Variants in TTC6 observed in about 807,000 individuals in gnomAD.
TTC6 encodes tetratricopeptide repeat protein 6.
In TTC6, 172 loss-of-function variants were observed where a neutral mutation model predicts 210.4. That is an observed-to-expected ratio of 0.82 (90% confidence interval 0.72 to 0.93). The LOEUF is 0.93. Ranked by LOEUF, TTC6 falls within the 40% of genes least tolerant of loss-of-function variation. The pLI is 0.00. For missense variants in TTC6, 2,414 were observed against 2,318.1 expected (o/e 1.04, Z -0.85); for synonymous variants, 804 against 819.6 (o/e 0.98, Z 0.32).
At chr14:37,675,702 A>T (rs188550243) in intron 1 of TTC6, among the ~76,000 whole-genome samples, 58 of 151,392 alleles carry the variant, frequency 3.8e-4, no homozygotes, top group Admixed American at 2.2e-3. Context: ...GCATACGAGG[A>T]TTCTAGTTTC....
chr14:37,619,729 C>T (rs2095648317), upstream of TTC6, among the ~76,000 whole-genome samples: 1 of 151,770 alleles, frequency 6.6e-6, no homozygotes. Flanking sequence ...TATCTGTAAA[C>T]CTTTTATTTA....
At chr14:37,792,069 C>T (rs533247451) in intron 16 of TTC6, among the ~76,000 whole-genome samples, 195 bp from the exon 19 acceptor site, 4 of 152,216 alleles carry the variant, frequency 2.6e-5, no homozygotes, top group African/African-American at 9.6e-5. Context: ...ACATTAATTC[C>T]TTACTAAGGG....
Position 37,748,842 on chromosome 14 carries a change from T to C in TTC6, c.2364-97T>C, listed in dbSNP as rs537921330. 71 of 956,432 alleles carry C rather than the reference T, an allele frequency of 7.4e-5. No individual in the cohort carries two copies. In the South Asian group the frequency reaches 1.4e-3, roughly 19 times the overall value. 59.2% of individuals were successfully genotyped at this position (956,432 alleles called of 1,614,324 possible). A position where few individuals can be genotyped will look rare whatever the true frequency, so the allele number is the denominator to read the frequency against. On this transcript the variant is annotated intron_variant, in intron 10 of 30. Coordinates refer to ENST00000553443, the Ensembl canonical transcript of TTC6. ...AAATTAGCATGTAATTTTGTTTTGA[T>C]AACAAATAGTAGTTTTATGTGTGGC... is the stretch of plus-strand genomic sequence containing the variant.
intron 3 of TTC6, among the ~76,000 whole-genome samples, chr14:37,688,746 T>A (rs1286962765): frequency 6.6e-6 from 1 of 152,142 alleles, no homozygotes; most frequent in Non-Finnish European, 1.5e-5. Context: ...ACCACAGCAT[T>A]ACTGGGCTTG....
chr14:37,655,061 G>T (rs1035597029), intron 1 of TTC6, among the ~76,000 whole-genome samples: 4 of 152,144 alleles, frequency 2.6e-5, no homozygotes, highest in Non-Finnish European at 5.9e-5. Flanking sequence ...GCTGCTCTTC[G>T]CATGTGCATT....
intron 14 of TTC6, among the ~76,000 whole-genome samples, chr14:37,772,805 C>G (rs1332613047): frequency 6.6e-6 from 1 of 152,168 alleles, no homozygotes; most frequent in Non-Finnish European, 1.5e-5. Flanking sequence ...GGAGCTGTTC[C>G]TATTCGGCCA....
chr14:37,826,328 A>G (rs2139510318), exon 28 of TTC6: 1 of 1,603,822 alleles, frequency 6.2e-7, no homozygotes, highest in Non-Finnish European at 8.5e-7. Context: ...GCAATGCAGG[A>G]TATTAATGCT....
Position 37,751,035 on chromosome 14 carries a change from CT to C in TTC6, c.2957-13del, listed in dbSNP as rs1261140134. Reference sequence around the variant, plus strand: ...AAAGGATTATAACTCCAAATTTTATCTTTTTAATTTTCTTTAGAGGCATATT... The same window carrying C: ...AAAGGATTATAACTCCAAATTTTATCTTTTAATTTTCTTTAGAGGCATATT... On this transcript the variant is annotated splice_polypyrimidine_tract_variant and intron_variant, in intron 12 of 30. Transcript: ENST00000553443. 6.7e-7 allele frequency: 1 copy of C among 1,485,222 alleles called. No individual in the cohort carries two copies. The highest frequency in any genetic ancestry group is 9.0e-7 in the Non-Finnish European group (1 of 1,115,214). The allele number at this position is 1,485,222 out of a possible 1,614,324, so 92.0% of individuals were successfully genotyped here. A position where few individuals can be genotyped will look rare whatever the true frequency, so the allele number is the denominator to read the frequency against.
At chr14:37,615,542 G>T (rs1274563248) in intron 2 of TTC6, among the ~76,000 whole-genome samples, 1 of 151,822 alleles carries the variant, frequency 6.6e-6, no homozygotes, top group Non-Finnish European at 1.5e-5. Context: ...TCTTTTCTCT[G>T]ACATCTCCAT....
chr14:37,781,281 C>T (rs1294931258), intron 14 of TTC6, among the ~76,000 whole-genome samples: 1 of 152,148 alleles, frequency 6.6e-6, no homozygotes, highest in African/African-American at 2.4e-5. Flanking sequence ...CACAACCTCC[C>T]CAGCATCTGT....
intron 1 of TTC6, among the ~76,000 whole-genome samples, chr14:37,643,504 A>G (rs745635269): frequency 1.1e-4 from 17 of 152,154 alleles, no homozygotes; most frequent in Non-Finnish European, 2.9e-5. Flanking sequence ...AAGGAGGGCT[A>G]CAGGATTGCT....
intron 1 of TTC6, among the ~76,000 whole-genome samples, chr14:37,644,277 A>T (rs533354421): frequency 6.6e-6 from 1 of 152,262 alleles, no homozygotes; most frequent in Non-Finnish European, 1.5e-5. Flanking sequence ...TAAAAAGGTA[A>T]TGCAATACCA....
chr14:37,689,334 A>G (rs1029466024), intron 3 of TTC6, among the ~76,000 whole-genome samples: 2 of 152,168 alleles, frequency 1.3e-5, no homozygotes, highest in African/African-American at 4.8e-5. Flanking sequence ...AATAATCTCA[A>G]AAGGGCAAAT....
At chr14:37,622,840 C>G (rs2095654032) in exon 1 of TTC6, 1 of 1,534,086 alleles carries the variant, frequency 6.5e-7, no homozygotes, top group Non-Finnish European at 8.7e-7. Context: ...CCCAGCGACG[C>G]GCGGGAGGCC....
chr14:37,749,194 A>T (rs1287362239), exon 11 of TTC6: 2 of 1,532,738 alleles, frequency 1.3e-6, no homozygotes, highest in Non-Finnish European at 1.7e-6. Flanking sequence ...CACCTGAAAG[A>T]GTGAAAGAAC....
exon 1 of TTC6, chr14:37,622,477 T>G (rs898294796): frequency 6.5e-7 from 1 of 1,535,160 alleles, no homozygotes; most frequent in Non-Finnish European, 8.7e-7. Context: ...AAGCCCCCAG[T>G]CATCGCCTCG....
At chr14:37,681,092 G>T (rs1858946614) in intron 2 of TTC6, among the ~76,000 whole-genome samples, 1 of 152,068 alleles carries the variant, frequency 6.6e-6, no homozygotes, top group African/African-American at 2.4e-5. Context: ...CTGGCCTTAT[G>T]ATCCAGCATG....
intron 1 of TTC6, among the ~76,000 whole-genome samples, chr14:37,600,813 T>C (rs1270618900): frequency 6.6e-6 from 1 of 152,230 alleles, no homozygotes; most frequent in Non-Finnish European, 1.5e-5. Flanking sequence ...GGGTGGCTGC[T>C]TCTGGGACTT....
At chr14:37,727,202 A>G (rs769109435) in intron 7 of TTC6, among the ~76,000 whole-genome samples, 17 of 151,414 alleles carry the variant, frequency 1.1e-4, no homozygotes, top group Non-Finnish European at 1.9e-4. Context: ...TATTAATTCA[A>G]TGTTGTTACT....
Sources: allele counts gnomAD v4.1 joint callset (sites outside exome capture counted in the v4.1 genomes callset), GRCh38; gene constraint gnomAD v4.1.1; transcripts MANE v1.5; gene names NCBI Gene and HGNC (gene_info 2026-07-23, HGNC 2026-07-21).